The following CPQ variants were observed in gnomAD, a reference collection of about 807,000 sequenced individuals.
The protein encoded by CPQ is carboxypeptidase Q, also known as Ser-Met dipeptidase.
A neutral mutation model predicts 45.7 loss-of-function variants in CPQ; 37 were observed. That is an observed-to-expected ratio of 0.81 (90% CI 0.62 to 1.07). The LOEUF is 1.07. Among genes scored for constraint, CPQ ranks in the 50% least tolerant of loss-of-function variants. CPQ has a pLI of 0.00. For missense variants in CPQ, 537 were observed against 572.9 expected, an observed-to-expected ratio of 0.94 and a Z score of 0.64; for synonymous variants, 186 against 205.8, an observed-to-expected ratio of 0.90 and a Z score of 0.82.
chr8:97,000,029 A>G (rs1315524594), intron 5 of CPQ, among the ~76,000 whole-genome samples: 2 of 149,588 alleles, frequency 1.3e-5, no homozygotes. Flanking sequence ...TGTTGGCTTC[A>G]TGTATGTCTT....
intron 1 of CPQ, among the ~76,000 whole-genome samples, chr8:96,762,250 G>A (rs994741379): frequency 1.3e-5 from 2 of 152,200 alleles, no homozygotes; most frequent in African/African-American, 4.8e-5. Flanking sequence ...AAGGCACTGT[G>A]TATGAGGTGT....
chr8:97,107,232 C>T (rs549090550), intron 7 of CPQ, among the ~76,000 whole-genome samples: 11 of 152,310 alleles, frequency 7.2e-5, no homozygotes, highest in East Asian at 5.8e-4. Context: ...CAAATATGTG[C>T]TTTGCATTAT....
At chr8:96,757,846 C>A (rs1055215457) in intron 1 of CPQ, among the ~76,000 whole-genome samples, 1 of 151,904 alleles carries the variant, frequency 6.6e-6, no homozygotes, top group Non-Finnish European at 1.5e-5. Context: ...TCTTTTTCTA[C>A]TTTTTCATTC....
intron 4 of CPQ, among the ~76,000 whole-genome samples, chr8:96,892,163 T>G (rs1012943393): frequency 2.0e-5 from 3 of 152,200 alleles, no homozygotes; most frequent in Admixed American, 6.5e-5. Flanking sequence ...TTTTTAGAAA[T>G]AAATCATTGA....
intron 4 of CPQ, among the ~76,000 whole-genome samples, chr8:96,922,424 T>TGGGAGTTCATCAGACAGC (rs1812821809): frequency 6.6e-6 from 1 of 152,218 alleles, no homozygotes; most frequent in Admixed American, 6.5e-5. Context: ...AATCGGACAG[T>TGGGAGTTCATCAGACAGC]GGGAGTTCAT....
chr8:96,903,128 A>G (rs1812534030), intron 4 of CPQ, among the ~76,000 whole-genome samples: 1 of 152,150 alleles, frequency 6.6e-6, no homozygotes, highest in East Asian at 1.9e-4. Flanking sequence ...TTTGTGGCTT[A>G]GTGTGAAGTG....
At chr8:96,875,053 G>A (rs1812127745) in intron 3 of CPQ, among the ~76,000 whole-genome samples, 1 of 151,768 alleles carries the variant, frequency 6.6e-6, no homozygotes, top group Non-Finnish European at 1.5e-5. Context: ...TCTCATTGAG[G>A]TTTTGATTTG....
intron 5 of CPQ, among the ~76,000 whole-genome samples, chr8:97,016,713 C>T (rs916610063): frequency 3.3e-5 from 5 of 152,070 alleles, no homozygotes; most frequent in African/African-American, 1.2e-4. Flanking sequence ...TAGAGATAGG[C>T]TTTGTTCAAT....
chr8:96,791,321 T>C (rs1810842438), intron 2 of CPQ, among the ~76,000 whole-genome samples: 1 of 152,222 alleles, frequency 6.6e-6, no homozygotes, highest in South Asian at 2.1e-4. Context: ...AGCAGATCTG[T>C]TTCAAAAGCC....
At chr8:96,692,625 CT>C (rs1284469052) in intron 1 of CPQ, among the ~76,000 whole-genome samples, 23 of 152,336 alleles carry the variant, frequency 1.5e-4, no homozygotes, top group African/African-American at 4.6e-4. Context: ...TTTTACTAAG[CT>C]TTAGGTGTCC....
At chr8:96,972,704 A>T (rs1241595712) in intron 5 of CPQ, among the ~76,000 whole-genome samples, 1 of 152,212 alleles carries the variant, frequency 6.6e-6, no homozygotes, top group African/African-American at 2.4e-5. Flanking sequence ...AGATCACATC[A>T]CAGGACTCTT....
intron 3 of CPQ, among the ~76,000 whole-genome samples, chr8:96,851,524 G>T (rs1811770856): frequency 6.6e-6 from 1 of 152,192 alleles, no homozygotes; most frequent in Non-Finnish European, 1.5e-5. Flanking sequence ...ATCCTCCAGA[G>T]GGGAGGAACG....
intron 7 of CPQ, among the ~76,000 whole-genome samples, chr8:97,089,301 A>G (rs187861966): frequency 1.9e-3 from 288 of 152,142 alleles, no homozygotes; most frequent in African/African-American, 6.3e-3. Flanking sequence ...TACCATTTCT[A>G]AAATGTCTAG....
chr8:96,776,394 G>C (rs2130801875), intron 1 of CPQ, among the ~76,000 whole-genome samples: 1 of 152,290 alleles, frequency 6.6e-6, no homozygotes, highest in East Asian at 1.9e-4. Flanking sequence ...AAGTTTTCAT[G>C]TAAGTAGTAT....
chr8:96,784,776 A>C (rs1810738492), intron 1 of CPQ, 88 bp from the exon 2 acceptor site: 1 of 905,716 alleles, frequency 1.1e-6, no homozygotes, highest in African/African-American at 1.7e-5. Context: ...AGGGAAGGGG[A>C]ATGCTGCTTG....
chr8:96,836,206 C>A (rs1451645120), intron 3 of CPQ, among the ~76,000 whole-genome samples: 2 of 151,980 alleles, frequency 1.3e-5, no homozygotes, highest in Non-Finnish European at 2.9e-5. Flanking sequence ...TGCACAATTG[C>A]TATTTGGAAC....
At chr8:96,886,717 ATT>A (rs1016591473) in intron 4 of CPQ, among the ~76,000 whole-genome samples, 2 of 152,184 alleles carry the variant, frequency 1.3e-5, no homozygotes, top group Non-Finnish European at 2.9e-5. Flanking sequence ...CCTCTAAGAG[ATT>A]CCATTATGCC....
At chr8:97,112,828 G>C (rs1212754303) in intron 7 of CPQ, among the ~76,000 whole-genome samples, 1 of 152,236 alleles carries the variant, frequency 6.6e-6, no homozygotes, top group Admixed American at 6.5e-5. Context: ...CGGAGAGGAA[G>C]GAGTAAAGGA....
chr8:96,852,795 G>A (rs1174955310), intron 3 of CPQ, among the ~76,000 whole-genome samples: 1 of 152,074 alleles, frequency 6.6e-6, no homozygotes, highest in Non-Finnish European at 1.5e-5. Flanking sequence ...CACGTTCCAG[G>A]CGGCCTCTCT....
Sources: allele counts gnomAD v4.1 joint callset (sites outside exome capture counted in the v4.1 genomes callset), GRCh38; gene constraint gnomAD v4.1.1; transcripts MANE v1.5; gene names NCBI Gene and HGNC (gene_info 2026-07-23, HGNC 2026-07-21).